The following GAD2 variants were observed in gnomAD, a reference collection of about 807,000 sequenced individuals.
GAD2 encodes glutamate decarboxylase 2.
GAD2 carries 22 observed loss-of-function variants against 80.1 expected under a neutral mutation model. The ratio of observed to expected loss-of-function variants is 0.27; its 90% CI spans 0.20 to 0.39. The LOEUF is 0.39. GAD2 is among the 10% of genes least tolerant of loss of function. The pLI, the probability that GAD2 is intolerant of heterozygous loss-of-function variation, is 1.00. For synonymous variants in GAD2, 274 were observed against 256.9 expected (o/e 1.07, Z -0.64); for missense variants, 624 against 738.4 (o/e 0.85, Z 1.80).
At chr10:26,244,301 G>A (rs1373850682) in intron 7 of GAD2, among the ~76,000 whole-genome samples, 3 of 152,098 alleles carry the variant, frequency 2.0e-5, no homozygotes, top group African/African-American at 4.8e-5. Flanking sequence ...AAATGGTACC[G>A]CCATGATGGA....
At chr10:26,287,924 A>G (rs1345615509) in intron 13 of GAD2, among the ~76,000 whole-genome samples, 1 of 152,232 alleles carries the variant, frequency 6.6e-6, no homozygotes, top group Non-Finnish European at 1.5e-5. Flanking sequence ...GAAAAAGCAA[A>G]TAACTTGGTC....
At chr10:26,294,316 A>G (rs1834250469) in intron 15 of GAD2, among the ~76,000 whole-genome samples, 1 of 152,242 alleles carries the variant, frequency 6.6e-6, no homozygotes, top group African/African-American at 2.4e-5. Context: ...TTTTGTGTAG[A>G]TATAAAACCT....
rs8190744 is a variant in GAD2 at position 26,280,298 on chromosome 10, C to T, written c.1158-711C>T. Among the ~76,000 whole-genome samples, 503 of 152,310 alleles carry T rather than the reference C, an allele frequency of 3.3e-3. 6 individuals carry two copies. Among genetic ancestry groups the T allele is most frequent in the African/African-American group, 0.011 (473 of 41,572 alleles). On this transcript the variant is annotated intron_variant, in intron 11 of 15. Transcript: ENST00000376261. ...TTATCTGGCCATGGTTGAGGACGCACGCCCGTGACACAGCCTCAGGTGGTC... is the reference window on the plus strand; with the variant it reads ...TTATCTGGCCATGGTTGAGGACGCATGCCCGTGACACAGCCTCAGGTGGTC...
chr10:26,232,233 C>T (rs1844611369), intron 7 of GAD2, among the ~76,000 whole-genome samples: 1 of 152,114 alleles, frequency 6.6e-6, no homozygotes, highest in Non-Finnish European at 1.5e-5. Context: ...TCCAGATGAT[C>T]TTTTATTGGG....
intron 7 of GAD2, among the ~76,000 whole-genome samples, chr10:26,230,507 C>A (rs1844588342): frequency 6.6e-6 from 1 of 152,150 alleles, no homozygotes; most frequent in African/African-American, 2.4e-5. Context: ...CAGCTCACTG[C>A]AGCCTGAGCC....
rs1408499893 is a variant in GAD2, at chr10:26,301,017, A to G, written c.*56A>G. On this transcript the variant is annotated 3_prime_UTR_variant, in exon 16 of 16. Coordinates refer to ENST00000376261, the MANE Select transcript of GAD2 (RefSeq NM_001134366.2). ...CTAGGTAGACAATTAAGTTGTCACA[A>G]ACTGTGTGAATGTATTTGTAGTTTG... 1 of 1,393,514 alleles carries G rather than the reference A, an allele frequency of 7.2e-7. No individual in the cohort carries two copies. Among genetic ancestry groups the G allele is most frequent in the Non-Finnish European group, 1.0e-6 (1 of 984,690 alleles). 86.3% of individuals were successfully genotyped at this position (1,393,514 alleles called of 1,614,324 possible). A position where few individuals can be genotyped will look rare whatever the true frequency, so the allele number is the denominator to read the frequency against.
chr10:26,273,757 C>G (rs1845166172), intron 11 of GAD2, 57 bp downstream of exon 11: 6 of 1,419,898 alleles, frequency 4.2e-6, no homozygotes, highest in Admixed American at 1.7e-5. Flanking sequence ...CTGTGAAACA[C>G]AAATTACAGT....
chr10:26,219,486 A>G (rs72787380), intron 4 of GAD2, among the ~76,000 whole-genome samples: 83 of 152,356 alleles, frequency 5.4e-4, no homozygotes, highest in Middle Eastern at 3.4e-3. Flanking sequence ...TGATAATGTC[A>G]GAAACATGAT....
Position 26,268,117 on chromosome 10 carries a change from G to A in GAD2, c.921-1002G>A, listed in dbSNP as rs866158194. Among the ~76,000 whole-genome samples, 56 of 152,136 alleles carry A rather than the reference G, an allele frequency of 3.7e-4. 1 individual carries two copies. The highest frequency in any genetic ancestry group is 3.5e-3 in the Admixed American group (53 of 15,272). ...AAGCCTTTTAAAAACCTAGATCAAT[G>A]ACCCTGATGCAAAGTTGGCTATGTT... is the stretch of plus-strand genomic sequence containing the variant. On this transcript the variant is annotated intron_variant, in intron 8 of 15. Coordinates refer to ENST00000376261, the MANE Select transcript of GAD2 (RefSeq NM_001134366.2).
rs1197831564 is a variant in GAD2 at position 26,219,207 on chromosome 10, GACC to G, written c.453_455del (p.Asp151_Gln152delinsGlu). 6.2e-7 allele frequency: 1 copy of G among 1,613,600 alleles called. No individual in the cohort carries two copies. Among genetic ancestry groups the G allele is most frequent in the East Asian group, 2.2e-5 (1 of 44,860 alleles). On this transcript the variant is annotated inframe_deletion, in exon 4 of 16. Transcript: ENST00000376261. Reference sequence around the variant, plus strand: ...CCAAGAATATAATTGGGAATTGGCAGACCAACCACAAAATTTGGAGGAAATTTT... The same window carrying G: ...CCAAGAATATAATTGGGAATTGGCAGAACCACAAAATTTGGAGGAAATTTT...
intron 13 of GAD2, among the ~76,000 whole-genome samples, chr10:26,289,763 A>C (rs188383231): frequency 2.4e-4 from 36 of 151,572 alleles, no homozygotes; most frequent in Middle Eastern, 3.4e-3. Flanking sequence ...AAAATAAGTA[A>C]ATAAACTTAA....
intron 13 of GAD2, among the ~76,000 whole-genome samples, chr10:26,287,316 A>G (rs1215740893): frequency 6.6e-6 from 1 of 152,196 alleles, no homozygotes; most frequent in Non-Finnish European, 1.5e-5. Context: ...GTTCGAGGAA[A>G]CCTGACATAA....
intron 8 of GAD2, among the ~76,000 whole-genome samples, chr10:26,247,576 C>T (rs899639856): frequency 3.9e-5 from 6 of 152,092 alleles, no homozygotes; most frequent in Admixed American, 6.5e-5. Flanking sequence ...ACAGCAAATA[C>T]GGTGGCTCAC....
chr10:26,266,381 C>G (rs375221327), intron 8 of GAD2, among the ~76,000 whole-genome samples: 5 of 152,292 alleles, frequency 3.3e-5, no homozygotes, highest in East Asian at 1.9e-4. Flanking sequence ...AACCAGCGTT[C>G]TAAGGTAATC....
At chr10:26,287,934 C>G (rs1470413156) in intron 13 of GAD2, among the ~76,000 whole-genome samples, 1 of 152,204 alleles carries the variant, frequency 6.6e-6, no homozygotes. Context: ...ATAACTTGGT[C>G]AGCAGGAGGG....
intron 8 of GAD2, among the ~76,000 whole-genome samples, chr10:26,249,855 G>T (rs1424249483): frequency 4.6e-5 from 7 of 152,154 alleles, no homozygotes; most frequent in Non-Finnish European, 1.5e-5. Flanking sequence ...GGAGTGGTGG[G>T]GGAAAGGGAC....
chr10:26,225,167 G>T (rs909857279), intron 6 of GAD2, among the ~76,000 whole-genome samples: 1 of 152,214 alleles, frequency 6.6e-6, no homozygotes, highest in African/African-American at 2.4e-5. Context: ...CTTTGGGAGA[G>T]AATTTCTTAG....
At chr10:26,294,784 C>G (rs1380657542) in intron 15 of GAD2, among the ~76,000 whole-genome samples, 1 of 152,096 alleles carries the variant, frequency 6.6e-6, no homozygotes, top group African/African-American at 2.4e-5. Flanking sequence ...ATAAGATGAT[C>G]GGTGCAGGCA....
At chr10:26,231,232 A>T (rs1257898217) in intron 7 of GAD2, among the ~76,000 whole-genome samples, 1 of 152,182 alleles carries the variant, frequency 6.6e-6, no homozygotes, top group Non-Finnish European at 1.5e-5. Flanking sequence ...GGAAGGGCCT[A>T]GAGGGAGACT....
Sources: allele counts gnomAD v4.1 joint callset (sites outside exome capture counted in the v4.1 genomes callset), GRCh38; gene constraint gnomAD v4.1.1; transcripts MANE v1.5; gene names NCBI Gene and HGNC (gene_info 2026-07-23, HGNC 2026-07-21).